The following COL4A4 variants were observed in gnomAD, a reference collection of about 807,000 sequenced individuals.
The protein encoded by COL4A4 is collagen alpha-4(IV) chain.
A neutral mutation model predicts 192.9 loss-of-function variants in COL4A4; 105 were observed. The ratio of observed to expected loss-of-function variants is 0.54; its 90% CI spans 0.46 to 0.64. COL4A4 has a LOEUF of 0.64. Ranked by LOEUF, COL4A4 falls within the 30% of genes least tolerant of loss-of-function variation. The pLI is 0.00. For synonymous variants in COL4A4, 762 were observed against 769.9 expected, an observed-to-expected ratio of 0.99 and a Z score of 0.17; for missense variants, 1,967 against 2,169.3, an observed-to-expected ratio of 0.91 and a Z score of 1.85.
chr2:227,034,023 C>T (rs1464376550), intron 37 of COL4A4, among the ~76,000 whole-genome samples: 1 of 152,232 alleles, frequency 6.6e-6, no homozygotes, highest in Non-Finnish European at 1.5e-5. Context: ...GCGAGTGTGG[C>T]TCCAGCTATT....
chr2:226,995,631 C>T, the COL4A4 span: 25 of 773,774 alleles, frequency 3.2e-5, no homozygotes, highest in Non-Finnish European at 4.0e-5. Flanking sequence ...CAGAGTACAC[C>T]GGTATTGCTC....
At chr2:227,013,726 C>T (rs955961566) in intron 44 of COL4A4, among the ~76,000 whole-genome samples, 1 of 152,198 alleles carries the variant, frequency 6.6e-6, no homozygotes, top group Non-Finnish European at 1.5e-5. Context: ...CAGACCAACA[C>T]GTAGCCTAAA....
rs1036463927 is a variant in COL4A4, at chr2:227,006,519, T to G, written c.*806A>C. 6.6e-6 allele frequency: 1 copy of G among 151,714 alleles called. No homozygotes were observed. Among genetic ancestry groups the G allele is most frequent in the Non-Finnish European group, 1.5e-5 (1 of 68,022 alleles). 9.4% of individuals were successfully genotyped at this position (151,714 alleles called of 1,614,324 possible). On this transcript the variant is annotated 3_prime_UTR_variant, in exon 48 of 48. Transcript: ENST00000396625. ...GAATAACTACCTTAATATTCACTAATAGCTTTTAGGCTCCTAATCTCTTAT... is the reference window on the plus strand; with the variant it reads ...GAATAACTACCTTAATATTCACTAAGAGCTTTTAGGCTCCTAATCTCTTAT...
intron 40 of COL4A4, among the ~76,000 whole-genome samples, chr2:227,031,731 G>A (rs935211265): frequency 2.6e-5 from 4 of 152,124 alleles, no homozygotes; most frequent in African/African-American, 4.8e-5. Flanking sequence ...AGCTGAAATT[G>A]AAGAGAGGGC....
the COL4A4 span, among the ~76,000 whole-genome samples, chr2:226,985,820 T>A: frequency 3.9e-5 from 6 of 152,216 alleles, no homozygotes; most frequent in African/African-American, 1.2e-4. Context: ...TATATCCTAC[T>A]CATGCCCAAG....
chr2:227,152,350 A>G (rs906510857), intron 1 of COL4A4, among the ~76,000 whole-genome samples: 2 of 152,244 alleles, frequency 1.3e-5, no homozygotes, highest in Non-Finnish European at 2.9e-5. Flanking sequence ...GAATCTGGAA[A>G]TGGAATCCTT....
chr2:226,970,998 A>G, the COL4A4 span, among the ~76,000 whole-genome samples: 3 of 152,374 alleles, frequency 2.0e-5, no homozygotes, highest in Middle Eastern at 6.8e-3. Flanking sequence ...ATCATCATAT[A>G]TGTGAGTTGA....
the COL4A4 span, among the ~76,000 whole-genome samples, chr2:226,972,941 A>AC: frequency 6.6e-6 from 1 of 151,790 alleles, no homozygotes; most frequent in African/African-American, 2.4e-5. Flanking sequence ...AAAAAAAAAA[A>AC]AAAACAAAAA....
At chr2:227,094,449 A>G (rs1005504564) in intron 19 of COL4A4, among the ~76,000 whole-genome samples, 160 bp from the exon 20 acceptor site, 2 of 152,226 alleles carry the variant, frequency 1.3e-5, no homozygotes, top group Non-Finnish European at 2.9e-5. Flanking sequence ...AGCCAGACAC[A>G]GAAAGAAATA....
At chr2:227,153,440 C>A (rs954149798) in intron 1 of COL4A4, among the ~76,000 whole-genome samples, 1 of 152,196 alleles carries the variant, frequency 6.6e-6, no homozygotes, top group African/African-American at 2.4e-5. Flanking sequence ...CAGAGCCCCA[C>A]CTTCAGCTCA....
At position 227,121,017 on chromosome 2, in the gene COL4A4, A is replaced by G. The variant is rs756176413; in HGVS notation, c.324T>C (p.Asp108=). The G allele has an allele frequency of 6.2e-7, 1 of 1,613,950 alleles. No homozygotes were observed. The highest frequency in any genetic ancestry group is 1.7e-5 in the Admixed American group (1 of 60,006). The change falls in exon 5 of 48, where the codon GAT becomes GAC. Residue 108 remains aspartate, a synonymous_variant. Transcript: ENST00000396625. ...GPPGAAGDKG[D]KGPTGVPGFP... is the part of the protein sequence containing the mutation. Reference sequence around the variant, plus strand: ...CTCCACATAAGATGTGGCTTACCTTATCTCCTTTGTCCCCTGCTGCTCCAG... The same window carrying G: ...CTCCACATAAGATGTGGCTTACCTTGTCTCCTTTGTCCCCTGCTGCTCCAG...
the COL4A4 span, among the ~76,000 whole-genome samples, chr2:226,980,317 ACCAG>A: frequency 6.6e-6 from 1 of 152,142 alleles, no homozygotes; most frequent in African/African-American, 2.4e-5. Flanking sequence ...CTCGTTCCCC[ACCAG>A]AGCGAGGTAG....
chr2:227,121,157 G>A lies in COL4A4; in HGVS notation c.193-9C>T, dbSNP rs190570269. ...GGTGGTCCTGGTGGACCCTGAGAAG[G>A]AAGATTAAAAAGAAATGGGGGTGCA... On this transcript the variant is annotated splice_polypyrimidine_tract_variant and intron_variant, in intron 4 of 47. Coordinates refer to ENST00000396625, the MANE Select transcript of COL4A4 (RefSeq NM_000092.5). 7.4e-6 allele frequency: 12 copies of A among 1,613,826 alleles called. No homozygotes were observed. The highest frequency in any genetic ancestry group is 1.7e-5 in the Admixed American group (1 of 59,994).
At position 227,004,900 on chromosome 2, in the gene COL4A4, A is replaced by G. The variant is rs1961758876; in HGVS notation, c.*2425T>C. 6.6e-6 allele frequency: 1 copy of G among 152,282 alleles called. No homozygotes were observed. Among genetic ancestry groups the G allele is most frequent in the Non-Finnish European group, 1.5e-5 (1 of 68,086 alleles). 9.4% of individuals were successfully genotyped at this position (152,282 alleles called of 1,614,324 possible). On this transcript the variant is annotated 3_prime_UTR_variant, in exon 48 of 48. Transcript: ENST00000396625. ...AAGGGTTTGATAAGGATCATCTCCAATAATGGGTTAGGAGAACAACTTAAA... is the reference window on the plus strand; with the variant it reads ...AAGGGTTTGATAAGGATCATCTCCAGTAATGGGTTAGGAGAACAACTTAAA...
rs186349584 is a variant in COL4A4, at chr2:227,052,188, T to C, written c.2968+117A>G. The C allele has an allele frequency of 1.4e-3, 948 of 687,868 alleles. 7 individuals are homozygous for C. Among genetic ancestry groups the C allele is most frequent in the African/African-American group, 0.014 (754 of 55,428 alleles). 42.6% of individuals were successfully genotyped at this position (687,868 alleles called of 1,614,324 possible). A position where few individuals can be genotyped will look rare whatever the true frequency, so the allele number is the denominator to read the frequency against. On this transcript the variant is annotated intron_variant, in intron 32 of 47. Transcript: ENST00000396625. The stretch of plus-strand genomic sequence containing the variant: ...CCTGGGCGACAAGAGCAAAACTCCA[T>C]CTCAAAAAAAAAAAAGTCTTTTCTA...
At chr2:227,106,765 C>T (rs56374000) in intron 12 of COL4A4, among the ~76,000 whole-genome samples, 15,939 of 152,164 alleles carry the variant, frequency 0.1, 1,860 homozygotes, top group African/African-American at 0.29. Flanking sequence ...GGGGTTTCGC[C>T]ATGTTCGCCA....
At chr2:227,139,055 C>T (rs747406703) in intron 4 of COL4A4, among the ~76,000 whole-genome samples, 4 of 152,076 alleles carry the variant, frequency 2.6e-5, no homozygotes, top group South Asian at 2.1e-4. Flanking sequence ...TTAATCAGAG[C>T]GGAGTAGTCA....
At chr2:227,091,442 A>C (rs1448313990) in intron 20 of COL4A4, among the ~76,000 whole-genome samples, 2 of 151,140 alleles carry the variant, frequency 1.3e-5, no homozygotes, top group Non-Finnish European at 1.5e-5. Context: ...AAAAAAAGAC[A>C]TGTAGGATTG....
At position 227,102,815 on chromosome 2, in the gene COL4A4, C is replaced by A. The variant is rs2150787894; in HGVS notation, c.904G>T (p.Gly302Cys). The A allele has an allele frequency of 1.2e-6, 2 of 1,613,488 alleles. No homozygotes were observed. Among genetic ancestry groups the A allele is most frequent in the Non-Finnish European group, 1.7e-6 (2 of 1,179,686 alleles). ...ESGIGAKGEK[G>C]IPGFPGPRGD... is the part of the protein sequence containing the mutation. ...CGAGGCCCTGGAAATCCAGGAATAC[C>A]TTTTTCTCCTTTTGCCCCAATACCA... is the stretch of plus-strand genomic sequence containing the variant. The change falls in exon 15 of 48, where the codon GGT becomes TGT. Residue 302 changes from glycine to cysteine, a missense_variant. Gly to Cys is a radical substitution (Grantham distance 159). Coordinates refer to ENST00000396625, the MANE Select transcript of COL4A4 (RefSeq NM_000092.5).
Sources: allele counts gnomAD v4.1 joint callset (sites outside exome capture counted in the v4.1 genomes callset), GRCh38; gene constraint gnomAD v4.1.1; transcripts MANE v1.5; gene names NCBI Gene and HGNC (gene_info 2026-07-23, HGNC 2026-07-21).